CMSS1: variants seen among roughly 807,000 people sequenced by gnomAD.
CMSS1 encodes the protein protein CMSS1.
A neutral mutation model predicts 43.5 loss-of-function variants in CMSS1; 33 were observed. The observed-to-expected ratio is 0.76, with a 90% CI of 0.57 to 1.01. The LOEUF is 1.01. CMSS1 is among the 50% of genes least tolerant of loss of function. The pLI is 0.00. For synonymous variants in CMSS1, 115 were observed against 117.2 expected, an observed-to-expected ratio of 0.98 and a Z score of 0.12; for missense variants, 313 against 326.4, an observed-to-expected ratio of 0.96 and a Z score of 0.32.
At chr3:99,872,269 CTGTGTGTGTGTGTGTGTGTGTGTG>C (rs55727823) in intron 1 of CMSS1, among the ~76,000 whole-genome samples, 2 of 110,740 alleles carry the variant, frequency 1.8e-5, no homozygotes, top group Non-Finnish European at 3.7e-5. Flanking sequence ...TGTGCCAGGA[CTGTGTGTGTGTGTGTGTGTGTGTG>C]TGTGTGTGTG....
At position 100,139,140 on chromosome 3, in the gene CMSS1, A is replaced by G. The variant is rs111810892; in HGVS notation, c.65-7833A>G. Among the ~76,000 whole-genome samples, 126 of 152,254 alleles carry G rather than the reference A, an allele frequency of 8.3e-4. 1 individual carries two copies. Among genetic ancestry groups the G allele is most frequent in the African/African-American group, 2.9e-3 (119 of 41,550 alleles). On this transcript the variant is annotated intron_variant, in intron 1 of 9. Transcript: ENST00000421999. ...CTCACCCATAAGTGGGAGTTGAACA[A>G]TGAGAACATGTGGACACAGGGAGGG...
chr3:100,086,883 C>A (rs4928152), intron 1 of CMSS1, among the ~76,000 whole-genome samples: 3 of 152,086 alleles, frequency 2.0e-5, no homozygotes, highest in African/African-American at 4.8e-5. Context: ...TATTCTCAAC[C>A]CCTAGTAACT....
intron 1 of CMSS1, among the ~76,000 whole-genome samples, chr3:99,951,324 T>C (rs977281724): frequency 2.6e-5 from 4 of 152,170 alleles, no homozygotes; most frequent in Admixed American, 6.5e-5. Flanking sequence ...TATATTATTA[T>C]CTAAAGAATT....
chr3:99,947,386 A>T (rs984000171), intron 1 of CMSS1, among the ~76,000 whole-genome samples: 3 of 152,164 alleles, frequency 2.0e-5, no homozygotes. Context: ...ATTTCATTGT[A>T]TGGAGGTGCC....
intron 1 of CMSS1, among the ~76,000 whole-genome samples, chr3:100,021,271 T>C (rs996481440): frequency 1.3e-5 from 2 of 152,212 alleles, no homozygotes; most frequent in African/African-American, 2.4e-5. Flanking sequence ...TCTCCTTATA[T>C]ATAATAAGTT....
intron 1 of CMSS1, among the ~76,000 whole-genome samples, chr3:99,841,306 C>A (rs1279764362): frequency 6.6e-6 from 1 of 152,188 alleles, no homozygotes; most frequent in Non-Finnish European, 1.5e-5. Context: ...AAATTATAAA[C>A]TAGAGTTTTC....
At position 100,071,107 on chromosome 3, in the gene CMSS1, T is replaced by G. The variant is rs2065755281; in HGVS notation, c.65-75866T>G. Among the ~76,000 whole-genome samples, 6 of 150,418 alleles carry G rather than the reference T, an allele frequency of 4.0e-5. No individual in the cohort carries two copies. The South Asian group carries it at 1.3e-3, about 31-fold the overall frequency. ...TACTCTCTCTTTTTTTTTTTTTTTT[T>G]TTTTGGATGGATTAGCATTTCCAAA... On this transcript the variant is annotated intron_variant, in intron 1 of 9. Transcript: ENST00000421999.
At chr3:99,856,444 T>A (rs191704041) in intron 1 of CMSS1, among the ~76,000 whole-genome samples, 19 of 152,302 alleles carry the variant, frequency 1.2e-4, no homozygotes, top group African/African-American at 4.3e-4. Context: ...CATGTTCTAG[T>A]ACTGACACCA....
intron 1 of CMSS1, chr3:100,040,550 C>T (rs1412384811): frequency 2.0e-5 from 3 of 152,186 alleles, no homozygotes; most frequent in South Asian, 2.1e-4. Context: ...TGCTTTTTCC[C>T]CCCTTCCTTT....
chr3:99,969,640 G>A (rs1045541254), intron 1 of CMSS1, among the ~76,000 whole-genome samples: 2 of 152,170 alleles, frequency 1.3e-5, no homozygotes, highest in African/African-American at 4.8e-5. Flanking sequence ...AGCAGAGGTA[G>A]TAAGGGCAAA....
intron 1 of CMSS1, among the ~76,000 whole-genome samples, chr3:99,825,775 CTTT>C (rs897686337): frequency 2.5e-5 from 3 of 121,602 alleles, no homozygotes; most frequent in Non-Finnish European, 5.2e-5. Context: ...TTTTCTTTTT[CTTT>C]TTTTTTTTTT....
intron 1 of CMSS1, among the ~76,000 whole-genome samples, chr3:99,983,480 A>G (rs1255645349): frequency 0.017 from 392 of 22,476 alleles, 15 homozygotes; most frequent in African/African-American, 0.044. Context: ...ATATATATAT[A>G]TATATATATA....
intron 1 of CMSS1, among the ~76,000 whole-genome samples, chr3:99,906,530 A>G (rs1329472181): frequency 6.6e-6 from 1 of 152,228 alleles, no homozygotes; most frequent in Admixed American, 6.5e-5. Context: ...TTATTTCAAT[A>G]AAGTCTTACT....
At chr3:100,089,972 G>A (rs896883864) in intron 1 of CMSS1, among the ~76,000 whole-genome samples, 2 of 152,182 alleles carry the variant, frequency 1.3e-5, no homozygotes, top group African/African-American at 4.8e-5. Context: ...GGAGGAAATA[G>A]TACACTCATC....
At chr3:99,855,114 C>T (rs182843112) in intron 1 of CMSS1, among the ~76,000 whole-genome samples, 1 of 152,110 alleles carries the variant, frequency 6.6e-6, no homozygotes, top group Admixed American at 6.5e-5. Context: ...ATTAACTCTG[C>T]CAATTGTTGT....
At chr3:100,129,355 A>G (rs537255299) in intron 1 of CMSS1, among the ~76,000 whole-genome samples, 7 of 152,356 alleles carry the variant, frequency 4.6e-5, no homozygotes, top group African/African-American at 1.4e-4. Flanking sequence ...GGGAAGGGGA[A>G]GAAGAAGGTT....
chr3:100,060,037 G>A (rs1041989366), intron 1 of CMSS1, among the ~76,000 whole-genome samples: 8 of 151,474 alleles, frequency 5.3e-5, no homozygotes, highest in African/African-American at 1.9e-4. Context: ...GGAGGAGGAC[G>A]GTTGGGGAAA....
chr3:99,885,004 C>T (rs1477322233), intron 1 of CMSS1, among the ~76,000 whole-genome samples: 3 of 152,286 alleles, frequency 2.0e-5, no homozygotes, highest in Admixed American at 6.5e-5. Context: ...AATTGTGCTA[C>T]GATACTGTTC....
At chr3:99,894,603 ATACTT>A (rs1022248677) in intron 1 of CMSS1, among the ~76,000 whole-genome samples, 1 of 152,236 alleles carries the variant, frequency 6.6e-6, no homozygotes, top group Non-Finnish European at 1.5e-5. Flanking sequence ...AGGAAAGTGA[ATACTT>A]TAATTTTTTA....
Sources: gnomAD v4.1 joint callset for allele counts (sites outside exome capture counted in the v4.1 genomes callset) on GRCh38, gnomAD v4.1.1 for gene constraint, MANE v1.5 for transcripts, NCBI Gene and HGNC (gene_info 2026-07-23, HGNC 2026-07-21) for gene names.